TRAM2: variants seen among roughly 807,000 people sequenced by gnomAD.
The protein encoded by TRAM2 is translocating chain-associated membrane protein 2.
TRAM2 carries 12 observed loss-of-function variants against 51.0 expected under a neutral mutation model. The observed-to-expected ratio is 0.24, with a 90% CI of 0.15 to 0.38. The LOEUF (loss-of-function observed/expected upper bound fraction) is 0.38, where lower values mean the gene tolerates loss of function less well. Among genes scored for constraint, TRAM2 ranks in the 10% least tolerant of loss-of-function variants. TRAM2 has a pLI of 1.00. For missense variants in TRAM2, 361 were observed against 462.0 expected (o/e 0.78, Z 2.00); for synonymous variants, 175 against 179.4 (o/e 0.98, Z 0.20).
chr6:52,518,259 G>A (rs907984153), intron 2 of TRAM2, among the ~76,000 whole-genome samples: 4 of 152,096 alleles, frequency 2.6e-5, no homozygotes, highest in African/African-American at 4.8e-5. Context: ...AGGAGAGGCC[G>A]GTATTGGGGA....
chr6:52,526,568 T>G (rs1214361320), intron 2 of TRAM2, among the ~76,000 whole-genome samples: 1 of 152,140 alleles, frequency 6.6e-6, no homozygotes, highest in Non-Finnish European at 1.5e-5. Context: ...TTTGCATTTT[T>G]AATAGAGACT....
At chr6:52,522,897 G>A (rs1210785095) in intron 2 of TRAM2, 4 of 702,256 alleles carry the variant, frequency 5.7e-6, no homozygotes, top group African/African-American at 5.2e-5. Flanking sequence ...ACCTGCAAGC[G>A]GCTTCTCCTG....
At chr6:52,520,173 A>G (rs762710514) in intron 2 of TRAM2, among the ~76,000 whole-genome samples, 68 of 152,238 alleles carry the variant, frequency 4.5e-4, no homozygotes, top group Non-Finnish European at 5.7e-4. Context: ...AAAAACAACA[A>G]CAGCCAGCTG....
At chr6:52,514,750 G>A (rs1331166569) in intron 4 of TRAM2, among the ~76,000 whole-genome samples, 1 of 152,216 alleles carries the variant, frequency 6.6e-6, no homozygotes, top group Non-Finnish European at 1.5e-5. Flanking sequence ...GTATCTTGAG[G>A]CTGTTCTGCT....
At chr6:52,574,518 C>A (rs1234745840) in intron 1 of TRAM2, among the ~76,000 whole-genome samples, 2 of 152,180 alleles carry the variant, frequency 1.3e-5, no homozygotes, top group African/African-American at 4.8e-5. Context: ...CAAAGTACCT[C>A]CAAAAGAAGG....
chr6:52,563,782 C>A (rs888466848), intron 1 of TRAM2, among the ~76,000 whole-genome samples: 1 of 149,960 alleles, frequency 6.7e-6, no homozygotes, highest in Non-Finnish European at 1.5e-5. Flanking sequence ...TCAATGAATT[C>A]CTTTTTTATG....
At chr6:52,505,764 G>T (rs200022811) in intron 8 of TRAM2, 22 bp from the exon 9 acceptor site, 9 of 1,587,436 alleles carry the variant, frequency 5.7e-6, no homozygotes, top group Non-Finnish European at 7.7e-6. Flanking sequence ...GGCAGAAGAG[G>T]GATGTCAGTC....
At position 52,500,860 on chromosome 6, in the gene TRAM2, C is replaced by T. The variant is rs1766206184; in HGVS notation, c.*2337G>A. ...GCATGCCATACATATCTGTTGAAGC[C>T]ACAACTCAACAGTTTAACCTGGACT... On this transcript the variant is annotated 3_prime_UTR_variant, in exon 11 of 11. Transcript: ENST00000182527. The T allele has an allele frequency of 2.0e-5, 3 of 152,248 alleles. No homozygotes were observed. The highest frequency in any genetic ancestry group is 4.8e-5 in the African/African-American group (2 of 41,454). 9.4% of individuals were successfully genotyped at this position (152,248 alleles called of 1,614,324 possible).
chr6:52,519,665 G>C (rs1306177403), intron 2 of TRAM2, among the ~76,000 whole-genome samples: 2 of 152,130 alleles, frequency 1.3e-5, no homozygotes, highest in African/African-American at 4.8e-5. Flanking sequence ...TTGAAGGCCA[G>C]ATTTCAATAA....
intron 4 of TRAM2, among the ~76,000 whole-genome samples, chr6:52,511,319 G>T (rs1279472127): frequency 1.3e-5 from 2 of 152,170 alleles, no homozygotes; most frequent in Non-Finnish European, 2.9e-5. Context: ...TGACCAGGCT[G>T]GTCTCAAACT....
At chr6:52,504,361 G>A (rs1766300831) in intron 10 of TRAM2, among the ~76,000 whole-genome samples, 1 of 152,158 alleles carries the variant, frequency 6.6e-6, no homozygotes, top group Non-Finnish European at 1.5e-5. Flanking sequence ...GTGGTGGCCA[G>A]GGCTCCCAGC....
intron 4 of TRAM2, 51 bp from the exon 5 acceptor site, chr6:52,509,637 C>A (rs770054569): frequency 1.9e-6 from 3 of 1,580,614 alleles, no homozygotes; most frequent in South Asian, 1.1e-5. Context: ...GTGAGACCTG[C>A]TGGGGCCCTG....
intron 4 of TRAM2, among the ~76,000 whole-genome samples, chr6:52,513,895 T>C (rs1282227426): frequency 6.6e-6 from 1 of 152,160 alleles, no homozygotes; most frequent in African/African-American, 2.4e-5. Flanking sequence ...AGAAAAAAGA[T>C]ATTTAGTGTC....
At chr6:52,565,103 G>A (rs1172614262) in intron 1 of TRAM2, among the ~76,000 whole-genome samples, 1 of 152,170 alleles carries the variant, frequency 6.6e-6, no homozygotes, top group Non-Finnish European at 1.5e-5. Context: ...TTGTGGGGAA[G>A]CTTTGAAGCC....
intron 3 of TRAM2, 65 bp from the exon 4 acceptor site, chr6:52,516,187 C>T: frequency 1.4e-6 from 2 of 1,393,122 alleles, no homozygotes; most frequent in Non-Finnish European, 2.0e-6. Context: ...AGGTTTCAAA[C>T]TCTTGTATTC....
At chr6:52,573,415 A>G (rs1767712496) in intron 1 of TRAM2, among the ~76,000 whole-genome samples, 1 of 152,216 alleles carries the variant, frequency 6.6e-6, no homozygotes, top group South Asian at 2.1e-4. Context: ...TCCCAAAAGC[A>G]GACTTAACGG....
intron 1 of TRAM2, among the ~76,000 whole-genome samples, chr6:52,565,090 A>C (rs1407206942): frequency 1.3e-5 from 2 of 152,176 alleles, no homozygotes; most frequent in Non-Finnish European, 2.9e-5. Flanking sequence ...AAGGCTGATC[A>C]GATTGTGGGG....
intron 1 of TRAM2, among the ~76,000 whole-genome samples, chr6:52,563,585 G>A (rs1397424618): frequency 1.3e-5 from 2 of 151,452 alleles, no homozygotes; most frequent in Non-Finnish European, 2.9e-5. Flanking sequence ...CAGGCGTGGT[G>A]GTTGGCGCCT....
intron 9 of TRAM2, 36 bp downstream of exon 9, chr6:52,505,563 C>A (rs1008157765): frequency 3.2e-6 from 5 of 1,572,880 alleles, no homozygotes; most frequent in African/African-American, 1.3e-5. Context: ...TCAGGAGGCT[C>A]CCTGGCTTAT....
Sources: allele counts gnomAD v4.1 joint callset (sites outside exome capture counted in the v4.1 genomes callset), GRCh38; gene constraint gnomAD v4.1.1; transcripts MANE v1.5; gene names NCBI Gene and HGNC (gene_info 2026-07-23, HGNC 2026-07-21).